The following PPARGC1B variants were observed in gnomAD, a reference collection of about 807,000 sequenced individuals.
PPARGC1B encodes the protein peroxisome proliferator-activated receptor gamma coactivator 1-beta.
In PPARGC1B, 34 loss-of-function variants were observed where a neutral mutation model predicts 101.6. The observed-to-expected ratio is 0.33, with a 90% CI of 0.25 to 0.45. The LOEUF is 0.45. Among genes scored for constraint, PPARGC1B ranks in the 20% least tolerant of loss-of-function variants. The pLI, the probability that PPARGC1B is intolerant of heterozygous loss-of-function variation, is 1.00. For synonymous variants in PPARGC1B, 548 were observed against 539.3 expected (o/e 1.02, Z -0.22); for missense variants, 1,234 against 1,317.6 (o/e 0.94, Z 0.98).
intron 1 of PPARGC1B, among the ~76,000 whole-genome samples, chr5:149,767,924 T>G (rs1397149155): frequency 6.6e-6 from 1 of 152,096 alleles, no homozygotes; most frequent in Non-Finnish European, 1.5e-5. Context: ...ATTATTACAT[T>G]GTAATATGTA....
intron 1 of PPARGC1B, among the ~76,000 whole-genome samples, chr5:149,760,231 A>G (rs1755670474): frequency 1.3e-5 from 2 of 152,194 alleles, no homozygotes; most frequent in African/African-American, 4.8e-5. Flanking sequence ...GGCAGAGAGC[A>G]CTGTGGACAG....
Position 149,848,870 on chromosome 5 carries a change from G to A in PPARGC1B, c.*1312G>A, listed in dbSNP as rs1759672765. 6.6e-6 allele frequency: 1 copy of A among 152,288 alleles called. No homozygotes were observed. The highest frequency in any genetic ancestry group is 1.5e-5 in the Non-Finnish European group (1 of 68,100). The allele number at this position is 152,288 out of a possible 1,614,324, so 9.4% of individuals were successfully genotyped here. On this transcript the variant is annotated 3_prime_UTR_variant, in exon 12 of 12. Coordinates refer to ENST00000309241, the MANE Select transcript of PPARGC1B (RefSeq NM_133263.4). The stretch of plus-strand genomic sequence containing the variant: ...GGCAGGGGAGCCAGGAGGAGGGAGT[G>A]AAGGTTGGGAATAGATAGGACAATC...
In PPARGC1B at chr5:149,820,570, C is replaced by T. The variant is rs1581093802; in HGVS notation, c.216C>T (p.Pro72=). Residue 72 remains proline (P), a synonymous_variant, in exon 2 of 12, where the codon CCC becomes CCT. Coordinates refer to ENST00000309241, the MANE Select transcript of PPARGC1B (RefSeq NM_133263.4). ...QWCPENSETE[P]NQYSPDDSEL... ...GCCCAGAGAACTCAGAGACTGAACC[C>T]AACCAGTACAGCCCCGATGACTCCG... 3.7e-6 allele frequency: 6 copies of T among 1,613,588 alleles called. No homozygotes were observed. In the African/African-American group the frequency reaches 5.3e-5, roughly 14 times the overall value.
chr5:149,737,292 C>A (rs1754753787), intron 1 of PPARGC1B, among the ~76,000 whole-genome samples: 4 of 152,126 alleles, frequency 2.6e-5, no homozygotes, highest in African/African-American at 9.7e-5. Context: ...ACCTGATTTC[C>A]GAAGGCCTTC....
At chr5:149,743,991 C>T (rs1754998351) in intron 1 of PPARGC1B, among the ~76,000 whole-genome samples, 1 of 152,154 alleles carries the variant, frequency 6.6e-6, no homozygotes, top group Admixed American at 6.5e-5. Flanking sequence ...GGGATTGAAA[C>T]CAGCACTTTA....
At chr5:149,754,838 G>A (rs995496167) in intron 1 of PPARGC1B, among the ~76,000 whole-genome samples, 2 of 139,460 alleles carry the variant, frequency 1.4e-5, no homozygotes, top group South Asian at 4.7e-4. Flanking sequence ...CTGGAGTGCA[G>A]TGGTGTGATC....
intron 1 of PPARGC1B, among the ~76,000 whole-genome samples, chr5:149,743,888 A>T (rs1184125318): frequency 1.3e-5 from 2 of 152,220 alleles, no homozygotes; most frequent in East Asian, 3.9e-4. Context: ...GTTCCAGGGC[A>T]TGGCTCTGCC....
chr5:149,741,974 C>T (rs777724000), intron 1 of PPARGC1B, among the ~76,000 whole-genome samples: 3 of 152,076 alleles, frequency 2.0e-5, no homozygotes, highest in Non-Finnish European at 4.4e-5. Context: ...TTAAAGGTTC[C>T]CAGGCAGGTG....
At chr5:149,757,732 G>T (rs1755588013) in intron 1 of PPARGC1B, among the ~76,000 whole-genome samples, 1 of 152,228 alleles carries the variant, frequency 6.6e-6, no homozygotes, top group Non-Finnish European at 1.5e-5. Flanking sequence ...GTTGCTTAAT[G>T]AAAGAGGGAG....
chr5:149,794,854 G>A (rs1249192849), intron 1 of PPARGC1B, among the ~76,000 whole-genome samples: 1 of 152,234 alleles, frequency 6.6e-6, no homozygotes, highest in East Asian at 1.9e-4. Context: ...TAACCAGATT[G>A]GAATGCAGGC....
chr5:149,796,512 A>G (rs768019297), intron 1 of PPARGC1B, among the ~76,000 whole-genome samples: 7 of 152,190 alleles, frequency 4.6e-5, no homozygotes, highest in African/African-American at 1.2e-4. Context: ...CCTGATTTAC[A>G]TCTTTTAAAG....
intron 1 of PPARGC1B, among the ~76,000 whole-genome samples, chr5:149,810,659 C>A (rs1271338039): frequency 1.3e-5 from 2 of 152,204 alleles, no homozygotes; most frequent in Non-Finnish European, 2.9e-5. Flanking sequence ...AGAGATGGAT[C>A]TAATGTAGAA....
At chr5:149,803,637 T>A (rs933418616) in intron 1 of PPARGC1B, among the ~76,000 whole-genome samples, 11 of 152,222 alleles carry the variant, frequency 7.2e-5, no homozygotes, top group African/African-American at 2.7e-4. Flanking sequence ...TTTTCCCCCT[T>A]TCCTAGTTCA....
chr5:149,737,405 C>G (rs547041309), intron 1 of PPARGC1B, among the ~76,000 whole-genome samples: 1 of 152,296 alleles, frequency 6.6e-6, no homozygotes, highest in Non-Finnish European at 1.5e-5. Context: ...AATTTTCCTC[C>G]TGGAGGCTTA....
Position 149,833,850 on chromosome 5 carries a change from A to T in PPARGC1B, c.1705+72A>T, listed in dbSNP as rs1039368363. The T allele has an allele frequency of 4.2e-6, 6 of 1,424,942 alleles. No individual in the cohort carries two copies. The African/African-American group carries it at 4.3e-5, about 10-fold the overall frequency. The allele number at this position is 1,424,942 out of a possible 1,614,324, so 88.3% of individuals were successfully genotyped here. A position where few individuals can be genotyped will look rare whatever the true frequency, so the allele number is the denominator to read the frequency against. On this transcript the variant is annotated intron_variant, in intron 5 of 11. Transcript: ENST00000309241. This position sits in a 1 kb window ranked among gnomAD's most constrained non-coding sequence, Gnocchi z 4.1. Reference sequence around the variant, plus strand: ...AGCATGCCCCTCTGCACTGGGAGCCAGGAGCCCTGTGTTCAAGTCCCCGTC... The same window carrying T: ...AGCATGCCCCTCTGCACTGGGAGCCTGGAGCCCTGTGTTCAAGTCCCCGTC...
At chr5:149,789,420 A>G (rs965938060) in intron 1 of PPARGC1B, among the ~76,000 whole-genome samples, 1 of 152,220 alleles carries the variant, frequency 6.6e-6, no homozygotes, top group African/African-American at 2.4e-5. Flanking sequence ...TCATCTGCAA[A>G]GTAGGACAAA....
In PPARGC1B at chr5:149,830,667, C is replaced by T. The variant is rs45544140; in HGVS notation, c.466-100C>T. On this transcript the variant is annotated intron_variant, in intron 3 of 11. Coordinates refer to ENST00000309241, the MANE Select transcript of PPARGC1B (RefSeq NM_133263.4). Reference sequence around the variant, plus strand: ...GCCCACCCTGTGTTCTCCCTGTGGTCCTGTGATGCCCAAGGTCAGTCCTGA... The same window carrying T: ...GCCCACCCTGTGTTCTCCCTGTGGTTCTGTGATGCCCAAGGTCAGTCCTGA... 1.8e-3 allele frequency: 1,492 copies of T among 813,370 alleles called. 20 individuals carry two copies. In the African/African-American group the frequency reaches 0.022, roughly 12 times the overall value. 50.4% of individuals were successfully genotyped at this position (813,370 alleles called of 1,614,324 possible).
In PPARGC1B at chr5:149,833,224, C is replaced by G; in HGVS notation, c.1151C>G (p.Ser384Cys). 6.2e-7 allele frequency: 1 copy of G among 1,613,334 alleles called. No homozygotes were observed. The highest frequency in any genetic ancestry group is 8.5e-7 in the Non-Finnish European group (1 of 1,180,000). ...AGGCCCCCCAAAGACAGTCAGGCCTCCCCTGGTCGCCCGTCCTCGGTGGAG... is the reference window on the plus strand; with the variant it reads ...AGGCCCCCCAAAGACAGTCAGGCCTGCCCTGGTCGCCCGTCCTCGGTGGAG... ...RPRPPKDSQASPGRPSSVEEV... is the reference protein window; with the variant it reads ...RPRPPKDSQACPGRPSSVEEV... The change falls in exon 5 of 12, where the codon TCC (serine) becomes TGC (cysteine). Residue 384 changes from serine (S) to cysteine (C), a missense_variant. By Grantham distance (112) the Ser-to-Cys change is moderately radical. Around this residue, in one of 3 missense-constraint regions of PPARGC1B, gnomAD observed 734 missense variants for 768.4 expected, o/e 0.96. Coordinates refer to ENST00000309241, the MANE Select transcript of PPARGC1B (RefSeq NM_133263.4). This position sits in a 1 kb window ranked among gnomAD's most constrained non-coding sequence, Gnocchi z 4.1.
At chr5:149,787,996 A>T (rs1425939222) in intron 1 of PPARGC1B, among the ~76,000 whole-genome samples, 2 of 152,252 alleles carry the variant, frequency 1.3e-5, no homozygotes, top group African/African-American at 4.8e-5. Flanking sequence ...AGGCAATACC[A>T]TTCAGGACAT....
Sources: gnomAD v4.1 joint callset for allele counts (sites outside exome capture counted in the v4.1 genomes callset) on GRCh38, gnomAD v4.1.1 for gene constraint, gnomAD v4.1.1 regional missense constraint, Gnocchi (gnomAD v3.1) non-coding constraint, MANE v1.5 for transcripts, NCBI Gene and HGNC (gene_info 2026-07-23, HGNC 2026-07-21) for gene names.